UMAD1: variants seen among roughly 807,000 people sequenced by gnomAD.
UMAD1 encodes the protein UBAP1-MVB12-associated (UMA) domain containing 1.
Under a neutral mutation model 6.1 loss-of-function variants are expected in UMAD1, and 8 were observed. The ratio of observed to expected loss-of-function variants is 1.30; its 90% CI spans 0.76 to 2.35. UMAD1 has a LOEUF of 2.35. UMAD1 is among the 30% of genes most tolerant of loss of function. UMAD1 has a pLI of 0.00. For synonymous variants in UMAD1, 56 were observed against 31.4 expected (o/e 1.78, Z -2.61); for missense variants, 130 against 78.4 (o/e 1.66, Z -2.49).
intron 2 of UMAD1, among the ~76,000 whole-genome samples, chr7:7,794,478 T>C (rs1321690817): frequency 6.6e-6 from 1 of 152,190 alleles, no homozygotes; most frequent in Admixed American, 6.5e-5. Flanking sequence ...CACAACAGAC[T>C]GAACGGACCC....
At chr7:7,822,848 C>G (rs1342093860) in intron 3 of UMAD1, among the ~76,000 whole-genome samples, 4 of 151,004 alleles carry the variant, frequency 2.6e-5, no homozygotes, top group Non-Finnish European at 5.9e-5. Context: ...TGGTTGTCTT[C>G]TCTGTCATTT....
chr7:7,793,781 A>G (rs1354484216), intron 2 of UMAD1, among the ~76,000 whole-genome samples: 3 of 152,238 alleles, frequency 2.0e-5, no homozygotes. Flanking sequence ...ATTTGGCCAT[A>G]TAGAGAGTCT....
At chr7:7,682,173 A>G (rs1392460721) in intron 2 of UMAD1, among the ~76,000 whole-genome samples, 1 of 152,170 alleles carries the variant, frequency 6.6e-6, no homozygotes, top group African/African-American at 2.4e-5. Flanking sequence ...GGGCATAAGA[A>G]CTTCTAGTTT....
chr7:7,646,734 G>A (rs1583689226), intron 1 of UMAD1, among the ~76,000 whole-genome samples: 1 of 151,954 alleles, frequency 6.6e-6, no homozygotes, highest in Non-Finnish European at 1.5e-5. Context: ...GCTGTCCCAT[G>A]GCCAATCTCC....
chr7:7,862,798 C>T (rs1362740085), intron 3 of UMAD1, among the ~76,000 whole-genome samples: 3 of 152,006 alleles, frequency 2.0e-5, no homozygotes, highest in Non-Finnish European at 4.4e-5. Flanking sequence ...AAAGAAATTG[C>T]TAAACTTGAG....
At chr7:7,732,417 G>T (rs1050148447) in intron 2 of UMAD1, among the ~76,000 whole-genome samples, 6 of 152,120 alleles carry the variant, frequency 3.9e-5, no homozygotes, top group Non-Finnish European at 8.8e-5. Flanking sequence ...TAATAGATGT[G>T]TATAACATCA....
intron 2 of UMAD1, among the ~76,000 whole-genome samples, chr7:7,739,599 A>T (rs1398800471): frequency 6.6e-6 from 1 of 152,186 alleles, no homozygotes; most frequent in African/African-American, 2.4e-5. Flanking sequence ...AAACTGTTTG[A>T]TGTTCCTAGT....
intron 2 of UMAD1, among the ~76,000 whole-genome samples, chr7:7,796,746 C>A (rs1782691925): frequency 6.6e-6 from 1 of 152,034 alleles, no homozygotes; most frequent in African/African-American, 2.4e-5. Flanking sequence ...GTTTAAAGAC[C>A]CCCACAGAGG....
chr7:7,723,639 G>A (rs190141895), intron 2 of UMAD1, among the ~76,000 whole-genome samples: 138 of 152,266 alleles, frequency 9.1e-4, no homozygotes, highest in African/African-American at 2.9e-3. Flanking sequence ...TCAAGAGCCC[G>A]ATAATTGCTC....
chr7:7,665,968 A>G (rs1190998782), intron 1 of UMAD1, among the ~76,000 whole-genome samples: 1 of 151,696 alleles, frequency 6.6e-6, no homozygotes, highest in Non-Finnish European at 1.5e-5. Context: ...TTTTTTGGTT[A>G]TTAAAAAAAA....
chr7:7,695,683 C>T (rs1245199662), intron 2 of UMAD1, among the ~76,000 whole-genome samples: 1 of 152,200 alleles, frequency 6.6e-6, no homozygotes. Flanking sequence ...TGCTTCTGAG[C>T]ATATGCAACT....
At chr7:7,845,129 C>T (rs574927237) in intron 3 of UMAD1, among the ~76,000 whole-genome samples, 16 of 152,084 alleles carry the variant, frequency 1.1e-4, no homozygotes, top group African/African-American at 3.9e-4. Flanking sequence ...AAAATATGAA[C>T]TGGATTTCAA....
chr7:7,760,856 T>G (rs11765896), intron 2 of UMAD1, among the ~76,000 whole-genome samples: 10,375 of 152,248 alleles, frequency 0.068, 501 homozygotes, highest in Middle Eastern at 0.15. Context: ...TTTGAAAAGT[T>G]TTACTAGCAA....
chr7:7,870,147 T>A (rs1368963161), intron 3 of UMAD1, among the ~76,000 whole-genome samples: 2 of 152,232 alleles, frequency 1.3e-5, no homozygotes, highest in African/African-American at 2.4e-5. Context: ...ATAGTTTTTA[T>A]ACAAACATAT....
chr7:7,704,547 A>C (rs1428669983), intron 2 of UMAD1, among the ~76,000 whole-genome samples: 1 of 149,048 alleles, frequency 6.7e-6, no homozygotes, highest in Admixed American at 6.7e-5. Flanking sequence ...CAAAGTCAGG[A>C]GTTCAAGACT....
At chr7:7,822,890 T>A (rs1272909771) in intron 3 of UMAD1, among the ~76,000 whole-genome samples, 2 of 152,144 alleles carry the variant, frequency 1.3e-5, no homozygotes, top group Non-Finnish European at 2.9e-5. Flanking sequence ...AACAAGTTTT[T>A]TTTAGGTGAC....
chr7:7,642,465 A>G (rs556152112), intron 1 of UMAD1, among the ~76,000 whole-genome samples: 2 of 57,390 alleles, frequency 3.5e-5, no homozygotes, highest in Non-Finnish European at 3.5e-5. Context: ...ACCCTGTAAT[A>G]GTGATTTTTT....
chr7:7,864,388 G>A lies in UMAD1; in HGVS notation c.157-12893G>A, dbSNP rs145115062. On this transcript the variant is annotated intron_variant, in intron 3 of 3. Coordinates refer to ENST00000682710, the MANE Select transcript of UMAD1 (RefSeq NM_001302348.2). ...CACCCAGTTATTTGAATTTGGACTT[G>A]CCAGAGCATATCCCAGCAGCTCAGG... 8.1e-3 allele frequency among the ~76,000 whole-genome samples: 1,237 copies of A among 152,132 alleles called. 59 individuals carry two copies. The highest frequency in any genetic ancestry group is 0.062 in the Admixed American group (941 of 15,282).
chr7:7,865,071 C>G lies in UMAD1; in HGVS notation c.157-12210C>G, dbSNP rs141851520. Among the ~76,000 whole-genome samples, 114 of 152,288 alleles carry G rather than the reference C, an allele frequency of 7.5e-4. 1 individual carries two copies. Among genetic ancestry groups the G allele is most frequent in the African/African-American group, 2.7e-3 (111 of 41,560 alleles). ...TATGCATCTCTTCTGTTTGACTGTT[C>G]ATGAGGGTATCCTCTGTAATAAGCC... On this transcript the variant is annotated intron_variant, in intron 3 of 3. Transcript: ENST00000682710.
Sources: allele counts gnomAD v4.1 joint callset (sites outside exome capture counted in the v4.1 genomes callset), GRCh38; gene constraint gnomAD v4.1.1; transcripts MANE v1.5; gene names NCBI Gene and HGNC (gene_info 2026-07-23, HGNC 2026-07-21).